ATL1: variants seen among roughly 807,000 people sequenced by gnomAD.
ATL1 encodes atlastin-1.
ATL1 carries 31 observed loss-of-function variants against 75.5 expected under a neutral mutation model. The ratio of observed to expected loss-of-function variants is 0.41; its 90% CI spans 0.31 to 0.55. ATL1 has a LOEUF of 0.55. Among genes scored for constraint, ATL1 ranks in the 20% least tolerant of loss-of-function variants. ATL1 has a pLI of 0.27. For missense variants in ATL1, 405 were observed against 662.6 expected (o/e 0.61, Z 4.27); for synonymous variants, 226 against 233.3 (o/e 0.97, Z 0.28).
intron 1 of ATL1, among the ~76,000 whole-genome samples, chr14:50,574,199 T>C (rs1315647699): frequency 6.6e-6 from 1 of 152,242 alleles, no homozygotes; most frequent in African/African-American, 2.4e-5. Flanking sequence ...AAGTGTTAGC[T>C]ACTGTCCACA....
intron 1 of ATL1, among the ~76,000 whole-genome samples, chr14:50,542,814 T>C (rs1039780437): frequency 1.3e-5 from 2 of 152,198 alleles, no homozygotes; most frequent in African/African-American, 4.8e-5. Context: ...CCCTGAAAGA[T>C]AGGAGGAGAA....
At chr14:50,566,084 GCCTCCCAGGT>G (rs1310511314) in intron 1 of ATL1, among the ~76,000 whole-genome samples, 1 of 151,922 alleles carries the variant, frequency 6.6e-6, no homozygotes, top group Non-Finnish European at 1.5e-5. Flanking sequence ...TGCAACCTCC[GCCTCCCAGGT>G]TCAAGCAATT....
chr14:50,552,367 T>C (rs1595573340), intron 1 of ATL1, among the ~76,000 whole-genome samples: 1 of 152,122 alleles, frequency 6.6e-6, no homozygotes, highest in Non-Finnish European at 1.5e-5. Flanking sequence ...AAATCATAGA[T>C]GACACAAACA....
intron 10 of ATL1, 43 bp from the exon 11 acceptor site, chr14:50,623,134 A>AT: frequency 6.4e-7 from 1 of 1,563,356 alleles, no homozygotes; most frequent in South Asian, 1.1e-5. Flanking sequence ...AGTTTAATCA[A>AT]TATGAACTGC....
intron 8 of ATL1, among the ~76,000 whole-genome samples, chr14:50,619,548 T>G (rs1299128686): frequency 6.6e-6 from 1 of 152,236 alleles, no homozygotes; most frequent in Non-Finnish European, 1.5e-5. Flanking sequence ...AAATTGTCCC[T>G]GTGTTCAGAA....
chr14:50,632,389 C>A lies in ATL1; in HGVS notation c.*50C>A. ...CATGACCAATTGTCAATTAAATATTCAGTTTTATGTCTCCATGCAAACATT... is the reference window on the plus strand; with the variant it reads ...CATGACCAATTGTCAATTAAATATTAAGTTTTATGTCTCCATGCAAACATT... On this transcript the variant is annotated 3_prime_UTR_variant, in exon 14 of 14. Coordinates refer to ENST00000358385, the MANE Select transcript of ATL1 (RefSeq NM_015915.5). 8.0e-7 allele frequency: 1 copy of A among 1,248,448 alleles called. No homozygotes were observed. The highest frequency in any genetic ancestry group is 1.2e-6 in the Non-Finnish European group (1 of 856,724). 77.3% of individuals were successfully genotyped at this position (1,248,448 alleles called of 1,614,324 possible). A position where few individuals can be genotyped will look rare whatever the true frequency, so the allele number is the denominator to read the frequency against.
intron 6 of ATL1, among the ~76,000 whole-genome samples, chr14:50,596,622 A>G (rs1321064088): frequency 6.6e-6 from 1 of 152,234 alleles, no homozygotes; most frequent in Non-Finnish European, 1.5e-5. Context: ...TTGAATTCAT[A>G]CTGACCTCAT....
intron 6 of ATL1, among the ~76,000 whole-genome samples, chr14:50,611,116 T>C (rs1275418277): frequency 1.3e-5 from 2 of 152,092 alleles, no homozygotes; most frequent in Non-Finnish European, 2.9e-5. Context: ...TGGATCTCAG[T>C]GGTCATCTTG....
intron 6 of ATL1, among the ~76,000 whole-genome samples, chr14:50,600,266 A>G (rs2039259732): frequency 6.6e-6 from 1 of 152,026 alleles, no homozygotes; most frequent in African/African-American, 2.4e-5. Flanking sequence ...TTAAAAAAAA[A>G]AAAAAGAGTT....
chr14:50,602,067 G>A (rs2039276529), intron 6 of ATL1, among the ~76,000 whole-genome samples: 1 of 152,152 alleles, frequency 6.6e-6, no homozygotes, highest in African/African-American at 2.4e-5. Flanking sequence ...CTTGGGGCAG[G>A]ATCCCTACGA....
At chr14:50,554,075 T>C (rs2038736548) in intron 1 of ATL1, among the ~76,000 whole-genome samples, 1 of 151,860 alleles carries the variant, frequency 6.6e-6, no homozygotes, top group East Asian at 1.9e-4. Flanking sequence ...ACAAAAAAAA[T>C]CTGTTCCCCA....
intron 6 of ATL1, among the ~76,000 whole-genome samples, chr14:50,607,304 T>C (rs1262145974): frequency 6.6e-6 from 1 of 152,070 alleles, no homozygotes; most frequent in Non-Finnish European, 1.5e-5. Context: ...ACTTATTGCT[T>C]AGTGAACTAT....
intron 1 of ATL1, among the ~76,000 whole-genome samples, chr14:50,546,931 G>A (rs535594852): frequency 1.3e-5 from 2 of 152,148 alleles, no homozygotes; most frequent in South Asian, 4.1e-4. Flanking sequence ...GTGGTTTGCT[G>A]CACCCATATA....
rs184730224 is a variant in ATL1, at chr14:50,553,877, C to T, written c.-139-6250C>T. ...TGGAAAACCAAATATTGTATGTTCT[C>T]ACTTAAAAGTGAGAGTTAAGCTATG... On this transcript the variant is annotated intron_variant, in intron 1 of 13. Transcript: ENST00000441560. Among the ~76,000 whole-genome samples, 529 of 152,208 alleles carry T rather than the reference C, an allele frequency of 3.5e-3. 4 individuals are homozygous for T. The highest frequency in any genetic ancestry group is 0.012 in the African/African-American group (499 of 41,520).
intron 1 of ATL1, among the ~76,000 whole-genome samples, chr14:50,538,881 G>A (rs2356450): frequency 0.84 from 127,682 of 152,182 alleles, 55,572 homozygotes; most frequent in Non-Finnish European, 0.94. Flanking sequence ...ATTAACAAGT[G>A]CTATCATACT....
chr14:50,582,283 A>G (rs1193360401), intron 1 of ATL1, among the ~76,000 whole-genome samples: 1 of 152,044 alleles, frequency 6.6e-6, no homozygotes, highest in Non-Finnish European at 1.5e-5. Context: ...CATCTCAACA[A>G]AAGAAATTTA....
intron 1 of ATL1, among the ~76,000 whole-genome samples, chr14:50,575,939 T>C (rs1419235371): frequency 6.6e-6 from 1 of 152,136 alleles, no homozygotes; most frequent in African/African-American, 2.4e-5. Flanking sequence ...AAAAGTCCCC[T>C]AAGTCCCTAT....
At chr14:50,544,570 A>G (rs538972847) in intron 1 of ATL1, among the ~76,000 whole-genome samples, 1 of 152,304 alleles carries the variant, frequency 6.6e-6, no homozygotes, top group Admixed American at 6.5e-5. Context: ...GTCTCTAGGC[A>G]TGGATGTCTG....
intron 1 of ATL1, among the ~76,000 whole-genome samples, chr14:50,563,609 G>A (rs1324767037): frequency 6.6e-6 from 1 of 152,158 alleles, no homozygotes; most frequent in Non-Finnish European, 1.5e-5. Context: ...TTTAGATAAG[G>A]AATCTAAGGA....
Sources: gnomAD v4.1 joint callset for allele counts (sites outside exome capture counted in the v4.1 genomes callset) on GRCh38, gnomAD v4.1.1 for gene constraint, MANE v1.5 for transcripts, NCBI Gene and HGNC (gene_info 2026-07-23, HGNC 2026-07-21) for gene names.